Variants in DCLK1 observed in about 807,000 individuals in gnomAD.
DCLK1 encodes serine/threonine-protein kinase DCLK1.
In DCLK1, 16 loss-of-function variants were observed where a neutral mutation model predicts 86.2. The ratio of observed to expected loss-of-function variants is 0.19; its 90% CI spans 0.13 to 0.28. The LOEUF (loss-of-function observed/expected upper bound fraction) is 0.28, where lower values mean the gene tolerates loss of function less well. Ranked by LOEUF, DCLK1 falls within the 10% of genes least tolerant of loss-of-function variation. The probability of loss-of-function intolerance (pLI) is 1.00; values close to 1 mark genes in which losing one functional copy is unlikely to be tolerated. For missense variants in DCLK1, 590 were observed against 940.2 expected, an observed-to-expected ratio of 0.63 and a Z score of 4.87; for synonymous variants, 369 against 370.5, an observed-to-expected ratio of 1.00 and a Z score of 0.05.
chr13:35,788,376 T>A (rs1054509537), intron 16 of DCLK1: 1 of 1,179,002 alleles, frequency 8.5e-7, no homozygotes, highest in East Asian at 2.3e-5. Context: ...TGATTCTATA[T>A]GTATATATAG....
chr13:36,127,151 G>A (rs563258493), intron 1 of DCLK1, among the ~76,000 whole-genome samples: 9 of 152,322 alleles, frequency 5.9e-5, no homozygotes, highest in South Asian at 2.1e-4. Context: ...ATGGCCAGAT[G>A]GAGAGCAAAT....
intron 4 of DCLK1, among the ~76,000 whole-genome samples, chr13:35,901,491 C>CAAAAAAAAAAAAAAA (rs58801666): frequency 4.4e-5 from 2 of 45,878 alleles, no homozygotes; most frequent in African/African-American, 1.9e-4. Flanking sequence ...GACTCTGTCT[C>CAAAAAAAAAAAAAAA]AAAAAAAAAA....
At chr13:35,813,152 C>T (rs9574657) in intron 11 of DCLK1, among the ~76,000 whole-genome samples, 25,197 of 152,162 alleles carry the variant, frequency 0.17, 3,203 homozygotes, top group African/African-American at 0.35. Flanking sequence ...TGTTTACTTC[C>T]TTAATTCCAT....
At chr13:35,918,675 A>T (rs1264109802) in intron 4 of DCLK1, among the ~76,000 whole-genome samples, 2 of 152,090 alleles carry the variant, frequency 1.3e-5, no homozygotes, top group Non-Finnish European at 2.9e-5. Flanking sequence ...AACCCCCAGG[A>T]AATCGCCTAG....
At chr13:35,811,066 G>A in intron 11 of DCLK1, 98 bp from the exon 12 acceptor site, 3 of 1,471,018 alleles carry the variant, frequency 2.0e-6, no homozygotes, top group South Asian at 1.2e-5. Flanking sequence ...TTAATGTATA[G>A]GAGGTAAAAA....
chr13:35,869,377 G>C (rs1872102771), intron 5 of DCLK1, among the ~76,000 whole-genome samples: 1 of 152,212 alleles, frequency 6.6e-6, no homozygotes. Flanking sequence ...CTGAGGCCAG[G>C]TCATTGCAAG....
chr13:35,834,161 G>T (rs992239290), intron 8 of DCLK1, among the ~76,000 whole-genome samples: 1 of 151,998 alleles, frequency 6.6e-6, no homozygotes, highest in Non-Finnish European at 1.5e-5. Context: ...CTAGAAATGG[G>T]GTTTTCTGCT....
In DCLK1 at chr13:36,115,923, A is replaced by G. The variant is rs763872938; in HGVS notation, c.377-3708T>C. ...ATACTGAAGAGTTCCTGTGTAAAAA[A>G]TCACCTATGTATTTTTATTTTTATG... On this transcript the variant is annotated intron_variant, in intron 2 of 16. Coordinates refer to ENST00000360631, the MANE Select transcript of DCLK1 (RefSeq NM_001330071.2). Among the ~76,000 whole-genome samples the G allele has an allele frequency of 3.6e-4, 54 of 149,798 alleles. 1 individual carries two copies. The highest frequency in any genetic ancestry group is 5.9e-4 in the Non-Finnish European group (40 of 67,602).
At chr13:36,052,483 A>G (rs1156579426) in intron 3 of DCLK1, among the ~76,000 whole-genome samples, 1 of 152,058 alleles carries the variant, frequency 6.6e-6, no homozygotes, top group Admixed American at 6.6e-5. Context: ...GAAATGACCA[A>G]CCTTAGGTTG....
At chr13:35,779,511 G>A (rs187508125) in intron 16 of DCLK1, among the ~76,000 whole-genome samples, 4 of 152,202 alleles carry the variant, frequency 2.6e-5, no homozygotes, top group Admixed American at 2.6e-4. Flanking sequence ...CATATTAAGT[G>A]TGTATTAAAC....
intron 3 of DCLK1, among the ~76,000 whole-genome samples, chr13:36,046,084 C>T (rs1476053687): frequency 6.6e-6 from 1 of 151,822 alleles, no homozygotes; most frequent in Non-Finnish European, 1.5e-5. Context: ...AAAAAAAAAC[C>T]TAAATGTTAT....
At chr13:36,063,735 A>G (rs1883641750) in intron 3 of DCLK1, among the ~76,000 whole-genome samples, 1 of 152,222 alleles carries the variant, frequency 6.6e-6, no homozygotes, top group Non-Finnish European at 1.5e-5. Flanking sequence ...TTTATTGGAC[A>G]ATAATATTTG....
At chr13:35,851,950 G>A (rs1466355797) in intron 6 of DCLK1, among the ~76,000 whole-genome samples, 3 of 151,874 alleles carry the variant, frequency 2.0e-5, no homozygotes, top group African/African-American at 7.3e-5. Flanking sequence ...TCATGTTCCT[G>A]TATTTTAAAA....
chr13:36,011,747 T>C (rs1424283161), intron 3 of DCLK1, among the ~76,000 whole-genome samples: 3 of 151,660 alleles, frequency 2.0e-5, no homozygotes, highest in Non-Finnish European at 4.4e-5. Context: ...TTAGGTCCGC[T>C]TGGTGCAGAG....
intron 3 of DCLK1, among the ~76,000 whole-genome samples, chr13:36,102,984 T>C (rs143957895): frequency 3.3e-5 from 5 of 152,338 alleles, no homozygotes; most frequent in Non-Finnish European, 7.3e-5. Flanking sequence ...AATGGCTTGA[T>C]ACGTTTCCCA....
At chr13:36,125,670 A>G in intron 2 of DCLK1, 92 bp downstream of exon 2, 2 of 1,502,212 alleles carry the variant, frequency 1.3e-6, no homozygotes. Flanking sequence ...CTGAATGTCA[A>G]CTGTCAGAGG....
chr13:35,974,074 A>C (rs2153140085), intron 3 of DCLK1, among the ~76,000 whole-genome samples: 1 of 152,334 alleles, frequency 6.6e-6, no homozygotes, highest in Admixed American at 6.5e-5. Context: ...AAAAATAGAA[A>C]TAGAAAATAA....
chr13:35,962,857 T>C (rs1878528627), intron 3 of DCLK1, among the ~76,000 whole-genome samples: 1 of 152,224 alleles, frequency 6.6e-6, no homozygotes. Context: ...CCTGATTGTA[T>C]GAAAGAGTTG....
intron 4 of DCLK1, among the ~76,000 whole-genome samples, chr13:35,885,480 G>A (rs1349787070): frequency 6.6e-6 from 1 of 152,198 alleles, no homozygotes; most frequent in Non-Finnish European, 1.5e-5. Flanking sequence ...ACAGGCTGAA[G>A]CTCTGTGCTT....
Sources: gnomAD v4.1 joint callset for allele counts (sites outside exome capture counted in the v4.1 genomes callset) on GRCh38, gnomAD v4.1.1 for gene constraint, MANE v1.5 for transcripts, NCBI Gene and HGNC (gene_info 2026-07-23, HGNC 2026-07-21) for gene names.